ARL5B: variants seen among roughly 807,000 people sequenced by gnomAD.
ARL5B encodes the protein ARF like GTPase 5B.
In ARL5B, 10 loss-of-function variants were observed where a neutral mutation model predicts 26.9. The observed-to-expected ratio is 0.37, with a 90% CI of 0.23 to 0.63. ARL5B has a LOEUF of 0.63. Ranked by LOEUF, ARL5B falls within the 30% of genes least tolerant of loss-of-function variation. The pLI is 0.62. For synonymous variants in ARL5B, 87 were observed against 70.4 expected (o/e 1.24, Z -1.18); for missense variants, 167 against 213.9 (o/e 0.78, Z 1.37).
At chr10:18,668,732 A>T (rs2059873043) in intron 3 of ARL5B, 55 bp downstream of exon 3, 1 of 1,568,392 alleles carries the variant, frequency 6.4e-7, no homozygotes, top group Non-Finnish European at 8.7e-7. Context: ...GTAAACATAG[A>T]AAGTAATTAG....
chr10:18,672,013 A>T (rs374838435), intron 3 of ARL5B, among the ~76,000 whole-genome samples: 14 of 152,092 alleles, frequency 9.2e-5, no homozygotes, highest in African/African-American at 3.1e-4. Flanking sequence ...TTACCAACAG[A>T]TTTCTCCTCT....
At position 18,680,175 on chromosome 10, in the gene ARL5B, T is replaced by G. The variant is rs2059926544; in HGVS notation, c.*4959T>G. 1.3e-5 allele frequency: 2 copies of G among 152,018 alleles called. No homozygotes were observed. The highest frequency in any genetic ancestry group is 4.8e-5 in the African/African-American group (2 of 41,448). 9.4% of individuals were successfully genotyped at this position (152,018 alleles called of 1,614,324 possible). ...TTACCTCATTTTTCAATCCATAAGG[T>G]GCTTTGCTCAAGTTTGTGGGATGTT... On this transcript the variant is annotated 3_prime_UTR_variant, in exon 6 of 6. Coordinates refer to ENST00000377275, the MANE Select transcript of ARL5B (RefSeq NM_178815.5).
At chr10:18,669,028 C>T (rs1315829445) in intron 3 of ARL5B, among the ~76,000 whole-genome samples, 1 of 152,134 alleles carries the variant, frequency 6.6e-6, no homozygotes, top group Non-Finnish European at 1.5e-5. Context: ...CTTGGCCTCC[C>T]AAAGTGCTGG....
In ARL5B at chr10:18,680,638, A is replaced by G. The variant is rs1424245416; in HGVS notation, c.*5422A>G. The G allele has an allele frequency of 6.6e-6, 1 of 152,114 alleles. No individual in the cohort carries two copies. Among genetic ancestry groups the G allele is most frequent in the Non-Finnish European group, 1.5e-5 (1 of 67,986 alleles). The allele number at this position is 152,114 out of a possible 1,614,324, so 9.4% of individuals were successfully genotyped here. A position where few individuals can be genotyped will look rare whatever the true frequency, so the allele number is the denominator to read the frequency against. The stretch of plus-strand genomic sequence containing the variant: ...TTTATTCTCTTGGAGTAAACTGTTG[A>G]GTGTAGTTACAAAAACTTTTATTTA... On this transcript the variant is annotated 3_prime_UTR_variant, in exon 6 of 6. Transcript: ENST00000377275.
chr10:18,659,469 T>G lies in ARL5B; in HGVS notation c.-169T>G. The G allele has an allele frequency of 1.2e-6, 1 of 832,460 alleles. No individual in the cohort carries two copies. Among genetic ancestry groups the G allele is most frequent in the South Asian group, 1.9e-5 (1 of 51,578 alleles). 51.6% of individuals were successfully genotyped at this position (832,460 alleles called of 1,614,324 possible). ...CAAAGGGCTGTCCGGTGGGGATTCG[T>G]CGCGGCGCCTTCTGAGTGGTCGGGT... On this transcript the variant is annotated 5_prime_UTR_variant, in exon 1 of 6. Transcript: ENST00000377275.
At position 18,661,707 on chromosome 10, in the gene ARL5B, G is replaced by A. The variant is rs185858227; in HGVS notation, c.46+2024G>A. Among the ~76,000 whole-genome samples, 558 of 152,288 alleles carry A rather than the reference G, an allele frequency of 3.7e-3. 4 individuals are homozygous for A. Among genetic ancestry groups the A allele is most frequent in the African/African-American group, 0.012 (505 of 41,556 alleles). On this transcript the variant is annotated intron_variant, in intron 1 of 5. Transcript: ENST00000377275. Reference sequence around the variant, plus strand: ...TAACAGATATGTGTAAAAATATAACGTTGGCTGCAGCACAAGGTATACTTG... The same window carrying A: ...TAACAGATATGTGTAAAAATATAACATTGGCTGCAGCACAAGGTATACTTG...
intron 5 of ARL5B, 89 bp from the exon 6 acceptor site, chr10:18,675,079 G>A: frequency 1.7e-6 from 2 of 1,160,594 alleles, no homozygotes. Flanking sequence ...TGTGCTACCA[G>A]CCTTTGGTTA....
intron 3 of ARL5B, among the ~76,000 whole-genome samples, chr10:18,671,263 C>T (rs1356637855): frequency 6.6e-6 from 1 of 151,778 alleles, no homozygotes; most frequent in Admixed American, 6.6e-5. Context: ...GCCTCCGCCT[C>T]CCAGGTTCAA....
intron 5 of ARL5B, 58 bp downstream of exon 5, chr10:18,674,193 A>G (rs1665753952): frequency 1.3e-6 from 2 of 1,512,104 alleles, no homozygotes; most frequent in Admixed American, 2.1e-5. Flanking sequence ...CCAACTTTTT[A>G]GGCCAACTTG....
Position 18,672,668 on chromosome 10 carries a change from T to C in ARL5B, c.302T>C (p.Ile101Thr). 6.2e-7 allele frequency: 1 copy of C among 1,610,870 alleles called. No homozygotes were observed. Among genetic ancestry groups the C allele is most frequent in the Non-Finnish European group, 8.5e-7 (1 of 1,178,434 alleles). The change falls in exon 4 of 6, where the codon ATT becomes ACT. Residue 101 changes from isoleucine to threonine, a missense_variant. Ile to Thr is a moderately conservative substitution (Grantham distance 89, BLOSUM62 -1). Transcript: ENST00000377275. ...VDSIDRERLA[I>T]TKEELYRMLA... ...AGCATTGACAGGGAACGACTAGCTATTACAAAAGAAGAATTATACAGAATG... is the reference window on the plus strand; with the variant it reads ...AGCATTGACAGGGAACGACTAGCTACTACAAAAGAAGAATTATACAGAATG...
rs1416297606 is a variant in ARL5B, at chr10:18,676,819, T to C, written c.*1603T>C. On this transcript the variant is annotated 3_prime_UTR_variant, in exon 6 of 6. Transcript: ENST00000377275. ...TCGAATGTGGTAACATTTTTCTGAT[T>C]TATCTTTAGTTGGAGCACACCCTTG... The C allele has an allele frequency of 6.6e-6, 1 of 151,988 alleles. No homozygotes were observed. Among genetic ancestry groups the C allele is most frequent in the Non-Finnish European group, 1.5e-5 (1 of 67,846 alleles). 9.4% of individuals were successfully genotyped at this position (151,988 alleles called of 1,614,324 possible). A position where few individuals can be genotyped will look rare whatever the true frequency, so the allele number is the denominator to read the frequency against.
rs2059840593 is a variant in ARL5B, at chr10:18,662,318, CT to C, written c.46+2643del. Among the ~76,000 whole-genome samples the C allele has an allele frequency of 3.3e-5, 5 of 152,112 alleles. No individual in the cohort carries two copies. In the South Asian group the frequency reaches 8.3e-4, roughly 25 times the overall value. The stretch of plus-strand genomic sequence containing the variant: ...CTTCCAGTATTTCCACATTCTCATC[CT>C]TTTTTTTCCTGTAGCATTTTAGAGT... On this transcript the variant is annotated intron_variant, in intron 1 of 5. Coordinates refer to ENST00000377275, the MANE Select transcript of ARL5B (RefSeq NM_178815.5).
intron 4 of ARL5B, among the ~76,000 whole-genome samples, chr10:18,673,618 A>G (rs2059897766): frequency 6.6e-6 from 1 of 152,170 alleles, no homozygotes; most frequent in African/African-American, 2.4e-5. Flanking sequence ...TACAAAGACT[A>G]GTAAGTAATA....
At position 18,678,156 on chromosome 10, in the gene ARL5B, C is replaced by T. The variant is rs897357917; in HGVS notation, c.*2940C>T. Reference sequence around the variant, plus strand: ...TTAATGTAACTTAATTCCTTAAAACCTGGAATATTAATATATATAATCTAT... The same window carrying T: ...TTAATGTAACTTAATTCCTTAAAACTTGGAATATTAATATATATAATCTAT... On this transcript the variant is annotated 3_prime_UTR_variant, in exon 6 of 6. Transcript: ENST00000377275. The T allele has an allele frequency of 6.6e-6, 1 of 151,334 alleles. No homozygotes were observed. The highest frequency in any genetic ancestry group is 2.4e-5 in the African/African-American group (1 of 41,286). 9.4% of individuals were successfully genotyped at this position (151,334 alleles called of 1,614,324 possible). A position where few individuals can be genotyped will look rare whatever the true frequency, so the allele number is the denominator to read the frequency against.
chr10:18,662,475 A>G (rs898488612), intron 1 of ARL5B, among the ~76,000 whole-genome samples: 3 of 152,218 alleles, frequency 2.0e-5, no homozygotes, highest in African/African-American at 7.2e-5. Flanking sequence ...GTTTACTTCG[A>G]CAGTTATTAT....
chr10:18,662,108 G>C (rs532813131), intron 1 of ARL5B, among the ~76,000 whole-genome samples: 13 of 152,264 alleles, frequency 8.5e-5, no homozygotes, highest in Admixed American at 5.9e-4. Context: ...TTCCATTTTT[G>C]TAACTATATT....
intron 1 of ARL5B, among the ~76,000 whole-genome samples, chr10:18,663,546 C>CCTCTT (rs535747029): frequency 1.0e-5 from 1 of 97,948 alleles, no homozygotes; most frequent in Non-Finnish European, 1.9e-5. Context: ...TTATTCTGCT[C>CCTCTT]TTTTTTTTTT....
At chr10:18,671,876 T>C (rs946800524) in intron 3 of ARL5B, among the ~76,000 whole-genome samples, 7 of 152,142 alleles carry the variant, frequency 4.6e-5, no homozygotes, top group African/African-American at 1.7e-4. Context: ...AGTCTCAAAC[T>C]CCTGGGCTCA....
chr10:18,663,106 T>C (rs2059844327), intron 1 of ARL5B, among the ~76,000 whole-genome samples: 1 of 152,084 alleles, frequency 6.6e-6, no homozygotes, highest in Non-Finnish European at 1.5e-5. Flanking sequence ...CCTCCCAAGT[T>C]CAAGCAATTC....
Sources: allele counts gnomAD v4.1 joint callset (sites outside exome capture counted in the v4.1 genomes callset), GRCh38; gene constraint gnomAD v4.1.1; transcripts MANE v1.5; gene names NCBI Gene and HGNC (gene_info 2026-07-23, HGNC 2026-07-21).